The following IQCE variants were observed in gnomAD, a reference collection of about 807,000 sequenced individuals.
IQCE encodes the protein IQ motif containing E.
In IQCE, 115 loss-of-function variants were observed where a neutral mutation model predicts 96.0. That is an observed-to-expected ratio of 1.20 (90% CI 1.03 to 1.40). IQCE has a LOEUF of 1.40. Among genes scored for constraint, IQCE ranks in the 40% most tolerant of loss-of-function variants. The probability of loss-of-function intolerance (pLI) is 0.00; values close to 1 mark genes in which losing one functional copy is unlikely to be tolerated. For missense variants in IQCE, 1,041 were observed against 909.1 expected, an observed-to-expected ratio of 1.15 and a Z score of -1.87; for synonymous variants, 412 against 371.2, an observed-to-expected ratio of 1.11 and a Z score of -1.26.
chr7:2,592,353 A>T (rs1783667405), intron 14 of IQCE, among the ~76,000 whole-genome samples: 1 of 152,246 alleles, frequency 6.6e-6, no homozygotes, highest in Non-Finnish European at 1.5e-5. Context: ...GTCATTATGA[A>T]AGGTAAATCA....
chr7:2,576,374 G>C (rs1047369149), intron 6 of IQCE, among the ~76,000 whole-genome samples: 28 of 152,140 alleles, frequency 1.8e-4, no homozygotes, highest in Non-Finnish European at 2.9e-5. Flanking sequence ...TGTAGAGATT[G>C]AATAAACTTA....
chr7:2,559,952 A>C (rs932245282), intron 1 of IQCE, among the ~76,000 whole-genome samples: 3 of 152,230 alleles, frequency 2.0e-5, no homozygotes, highest in African/African-American at 7.2e-5. Flanking sequence ...TGAGGCCAAG[A>C]GTTCCAGACC....
intron 20 of IQCE, 44 bp from the exon 21 acceptor site, chr7:2,607,080 C>T: frequency 1.0e-5 from 16 of 1,524,382 alleles, no homozygotes; most frequent in Non-Finnish European, 1.4e-5. Flanking sequence ...GAGGTTTGTA[C>T]TCTCTAAAAG....
intron 18 of IQCE, among the ~76,000 whole-genome samples, chr7:2,603,856 T>C (rs1050886991): frequency 3.9e-5 from 6 of 152,128 alleles, no homozygotes; most frequent in African/African-American, 1.4e-4. Context: ...GTGGGCATGC[T>C]TGTCATTCTT....
intron 2 of IQCE, among the ~76,000 whole-genome samples, chr7:2,567,445 G>A (rs941691014): frequency 4.6e-5 from 7 of 152,182 alleles, no homozygotes; most frequent in Non-Finnish European, 7.3e-5. Context: ...TGCACCCCAC[G>A]CCCTCATCCT....
chr7:2,567,216 T>C lies in IQCE; in HGVS notation c.84+53T>C, dbSNP rs1781444945. 4 of 1,410,152 alleles carry C rather than the reference T, an allele frequency of 2.8e-6. No individual in the cohort carries two copies. In the South Asian group the frequency reaches 4.6e-5, roughly 16 times the overall value. The allele number at this position is 1,410,152 out of a possible 1,614,324, so 87.4% of individuals were successfully genotyped here. ...GACCTCGGGCTGGTTGCGCTGCCCT[T>C]GCAGACTGCACTCGGAAGCGTAAAA... On this transcript the variant is annotated intron_variant, in intron 2 of 21. Transcript: ENST00000402050.
At chr7:2,562,233 G>GGT (rs139019430) in intron 1 of IQCE, among the ~76,000 whole-genome samples, 31,021 of 148,346 alleles carry the variant, frequency 0.21, 3,771 homozygotes, top group East Asian at 0.38. Flanking sequence ...TTGGTCTTGG[G>GGT]GTGTGTGTGT....
chr7:2,607,132 G>A lies in IQCE; in HGVS notation c.1874G>A (p.Gly625Asp), dbSNP rs1191691641. 2 of 1,600,330 alleles carry A rather than the reference G, an allele frequency of 1.2e-6. No homozygotes were observed. The highest frequency in any genetic ancestry group is 2.2e-5 in the South Asian group (2 of 89,306). ...HLARARHSATGKRTTTAASTR... is the reference protein window; with the variant it reads ...HLARARHSATDKRTTTAASTR... ...TTTCTGTTTTTTTCCAGTGCTACCG[G>A]TAAAAGAACCACCACCGCAGCTTCT... The change falls in exon 21 of 22, where the codon GGT becomes GAT. Residue 625 changes from glycine (G) to aspartate (D), a missense_variant. Physicochemically the swap from Gly to Asp is moderately conservative, Grantham distance 94. Coordinates refer to ENST00000402050, the MANE Select transcript of IQCE (RefSeq NM_152558.5).
At chr7:2,599,529 C>T (rs1784292298) in intron 17 of IQCE, among the ~76,000 whole-genome samples, 1 of 152,000 alleles carries the variant, frequency 6.6e-6, no homozygotes, top group African/African-American at 2.4e-5. Flanking sequence ...CAGGGTCTCA[C>T]TCCATCACTC....
At chr7:2,578,126 G>A (rs1204311001) in intron 6 of IQCE, 116 bp from the exon 7 acceptor site, 2 of 744,856 alleles carry the variant, frequency 2.7e-6, no homozygotes, top group African/African-American at 3.6e-5. Flanking sequence ...GTGCGCGTGG[G>A]GACGTGTGTG....
intron 16 of IQCE, chr7:2,596,777 A>T (rs921486058): frequency 5.7e-6 from 2 of 348,100 alleles, no homozygotes; most frequent in Non-Finnish European, 1.2e-5. Context: ...ATCTCACTTT[A>T]GCGGAACAGA....
intron 1 of IQCE, among the ~76,000 whole-genome samples, chr7:2,560,250 A>G (rs1167301472): frequency 6.6e-6 from 1 of 152,132 alleles, no homozygotes; most frequent in Non-Finnish European, 1.5e-5. Context: ...CCCTGTCTCA[A>G]AAAAAAAGAA....
intron 6 of IQCE, among the ~76,000 whole-genome samples, chr7:2,577,432 A>C (rs1473339159): frequency 9.2e-5 from 8 of 86,494 alleles, no homozygotes; most frequent in African/African-American, 1.4e-4. Flanking sequence ...TGCGGCGTGC[A>C]CGCATTGGCA....
chr7:2,581,731 A>C (rs1276595084), intron 8 of IQCE, among the ~76,000 whole-genome samples: 1 of 139,130 alleles, frequency 7.2e-6, no homozygotes, highest in Non-Finnish European at 1.6e-5. Flanking sequence ...TTTTTTTGAG[A>C]TGGAGTCTCG....
Position 2,590,487 on chromosome 7 carries a change from G to A in IQCE, c.1244+381G>A, listed in dbSNP as rs1298482039. ...CTTTAGTGATAAAAAGATACTGGCC[G>A]GGCACGGTGGCTCATGCCTGTAATC... On this transcript the variant is annotated intron_variant, in intron 14 of 21. Coordinates refer to ENST00000402050, the MANE Select transcript of IQCE (RefSeq NM_152558.5). Among the ~76,000 whole-genome samples the A allele has an allele frequency of 5.3e-5, 8 of 152,162 alleles. No homozygotes were observed. In the South Asian group the frequency reaches 6.2e-4, roughly 12 times the overall value.
At chr7:2,581,858 C>T (rs1035061722) in intron 8 of IQCE, among the ~76,000 whole-genome samples, 2 of 151,948 alleles carry the variant, frequency 1.3e-5, no homozygotes, top group Non-Finnish European at 2.9e-5. Context: ...TACAGGCGCC[C>T]GCCACCGCGC....
chr7:2,604,896 C>T lies in IQCE; in HGVS notation c.1648C>T (p.Gln550Ter), dbSNP rs761349844. The T allele has an allele frequency of 6.2e-7, 1 of 1,613,622 alleles. No individual in the cohort carries two copies. Among genetic ancestry groups the T allele is most frequent in the Middle Eastern group, 1.7e-4 (1 of 6,060 alleles). ...AVLDEAAVVLQAAFRGHLTRT... is the reference protein window; with the variant it reads ...AVLDEAAVVL ...TCCCTGACAGGCGGCTGTGGTGCTT[C>T]AGGCAGCTTTCAGGGGACATCTCAC... Residue 550 changes from glutamine (Q) to a stop codon, truncating the protein, a stop_gained, in exon 19 of 22, where the codon CAG (glutamine) becomes TAG (stop). Transcript: ENST00000402050. LOFTEE classifies it high-confidence loss of function.
At position 2,590,033 on chromosome 7, in the gene IQCE, G is replaced by A. The variant is rs1305523802; in HGVS notation, c.1171G>A (p.Glu391Lys). The A allele has an allele frequency of 6.2e-6, 10 of 1,613,702 alleles. No homozygotes were observed. The highest frequency in any genetic ancestry group is 1.7e-5 in the Admixed American group (1 of 60,018). ...QPRGDRNKDH[E>K]RLRGAVRDLK... Reference sequence around the variant, plus strand: ...ACGAGGGGACCGCAACAAGGACCACGAGCGTCTCCGAGGGGCTGTGAGAGA... The same window carrying A: ...ACGAGGGGACCGCAACAAGGACCACAAGCGTCTCCGAGGGGCTGTGAGAGA... The change falls in exon 14 of 22, where the codon GAG becomes AAG. Residue 391 changes from glutamate (E) to lysine (K), a missense_variant. Transcript: ENST00000402050.
intron 1 of IQCE, among the ~76,000 whole-genome samples, chr7:2,564,206 C>T (rs553320864): frequency 2.0e-5 from 3 of 150,556 alleles, no homozygotes; most frequent in African/African-American, 4.9e-5. Flanking sequence ...AGCAAGACTC[C>T]ACCTCAAAAA....
Sources: gnomAD v4.1 joint callset for allele counts (sites outside exome capture counted in the v4.1 genomes callset) on GRCh38, gnomAD v4.1.1 for gene constraint, MANE v1.5 for transcripts, NCBI Gene and HGNC (gene_info 2026-07-23, HGNC 2026-07-21) for gene names.